FKBP11: variants seen among roughly 807,000 people sequenced by gnomAD.
FKBP11 encodes the protein peptidyl-prolyl cis-trans isomerase FKBP11.
FKBP11 carries 21 observed loss-of-function variants against 24.7 expected under a neutral mutation model. The ratio of observed to expected loss-of-function variants is 0.85; its 90% CI spans 0.60 to 1.23. The LOEUF (loss-of-function observed/expected upper bound fraction) is 1.23, where lower values mean the gene tolerates loss of function less well. Ranked by LOEUF, FKBP11 falls within the 50% of genes most tolerant of loss-of-function variation. The pLI is 0.00. For synonymous variants in FKBP11, 106 were observed against 100.6 expected (o/e 1.05, Z -0.32); for missense variants, 245 against 248.7 (o/e 0.99, Z 0.10).
chr12:48,938,668 T>TGA, the FKBP11 span: 158,443 of 421,298 alleles, frequency 0.38, 26,411 homozygotes, highest in East Asian at 0.47. Context: ...ACCCAGAGGG[T>TGA]GAGAGAGAGA....
At chr12:48,926,941 C>G (rs1045249070), upstream of FKBP11, among the ~76,000 whole-genome samples, 4 of 152,180 alleles carry the variant, frequency 2.6e-5, no homozygotes, top group Admixed American at 6.5e-5. Context: ...TCCCGAGTAG[C>G]TGGGATTATA....
At chr12:48,938,720 C>T in the FKBP11 span, 1 of 590,618 alleles carries the variant, frequency 1.7e-6, no homozygotes, top group Non-Finnish European at 3.0e-6. Context: ...TGTTTTAAAT[C>T]CAGTAAATTG....
At position 48,922,124 on chromosome 12, in the gene FKBP11, T is replaced by C. The variant is rs375029307; in HGVS notation, c.466A>G (p.Ile156Val). 9 of 1,614,064 alleles carry C rather than the reference T, an allele frequency of 5.6e-6. No homozygotes were observed. In the African/African-American group the frequency reaches 1.1e-4, roughly 19 times the overall value. ...ANYWLKLVKG[I>V]LPLVGMAMVP... ...ATGGCCATCCCTACCAGAGGCAAAA[T>C]GCCCTTCACCAGCTTTAGCCAGTAG... The change falls in exon 6 of 6, where the codon ATT (isoleucine) becomes GTT (valine). Residue 156 changes from isoleucine (I) to valine (V), a missense_variant. Physicochemically the swap from Ile to Val is conservative, Grantham distance 29. Transcript: ENST00000550765.
chr12:48,932,737 G>A, the FKBP11 span, among the ~76,000 whole-genome samples: 91 of 152,264 alleles, frequency 6.0e-4, no homozygotes, highest in African/African-American at 2.0e-3. Flanking sequence ...TCTGTGCTGG[G>A]AGGACCCTGA....
At chr12:48,938,397 T>C in the FKBP11 span, 1 of 454,324 alleles carries the variant, frequency 2.2e-6, no homozygotes, top group Admixed American at 2.3e-5. Flanking sequence ...GTGTCCTGGC[T>C]GCAAGCCCTG....
At chr12:48,935,806 A>C in the FKBP11 span, 1 of 152,236 alleles carries the variant, frequency 6.6e-6, no homozygotes, top group African/African-American at 2.4e-5. Flanking sequence ...GAAGCACCTC[A>C]TGTGCAAGGC....
the FKBP11 span, chr12:48,938,867 G>A: frequency 1.0e-5 from 16 of 1,541,966 alleles, no homozygotes; most frequent in East Asian, 3.0e-4. Context: ...CTTGCATGGA[G>A]AGGAAGGGGT....
chr12:48,929,264 A>G (rs1005729346), upstream of FKBP11, among the ~76,000 whole-genome samples: 1 of 152,106 alleles, frequency 6.6e-6, no homozygotes, highest in African/African-American at 2.4e-5. Flanking sequence ...CCTGGGCAAC[A>G]TGGCAAGACC....
chr12:48,925,010 C>CCA, intron 2 of FKBP11, 36 bp downstream of exon 2: 1 of 1,578,540 alleles, frequency 6.3e-7, no homozygotes, highest in Non-Finnish European at 8.6e-7. Flanking sequence ...GCGCCGCCCC[C>CCA]TCCCAGGCCC....
At chr12:48,926,639 A>G (rs1439538161), upstream of FKBP11, among the ~76,000 whole-genome samples, 1 of 142,462 alleles carries the variant, frequency 7.0e-6, no homozygotes, top group Non-Finnish European at 1.5e-5. Context: ...GACTACAGGC[A>G]TGCGCCACCA....
At chr12:48,931,413 G>A (rs897620247), upstream of FKBP11, 3 of 1,535,820 alleles carry the variant, frequency 2.0e-6, no homozygotes, top group Non-Finnish European at 2.6e-6. Flanking sequence ...CCACCCACAG[G>A]CAGCACAAGC....
the FKBP11 span, among the ~76,000 whole-genome samples, chr12:48,934,026 C>G: frequency 6.6e-6 from 1 of 152,170 alleles, no homozygotes; most frequent in South Asian, 2.1e-4. Flanking sequence ...AATGGATCCC[C>G]AGCCCCCTCC....
At chr12:48,934,645 C>T in the FKBP11 span, among the ~76,000 whole-genome samples, 450 of 152,300 alleles carry the variant, frequency 3.0e-3, no homozygotes, top group Middle Eastern at 0.01. Context: ...CAGTGGCCCA[C>T]CATTCAGCTA....
chr12:48,930,946 G>C (rs1412097406), upstream of FKBP11, among the ~76,000 whole-genome samples: 1 of 151,786 alleles, frequency 6.6e-6, no homozygotes, highest in Non-Finnish European at 1.5e-5. Context: ...TGGCTAACAC[G>C]GTGAAACCCC....
At chr12:48,934,381 A>G in the FKBP11 span, among the ~76,000 whole-genome samples, 1 of 152,192 alleles carries the variant, frequency 6.6e-6, no homozygotes, top group Non-Finnish European at 1.5e-5. Flanking sequence ...GTCTTCCGCC[A>G]GTCCATGACT....
intron 2 of FKBP11, 151 bp downstream of exon 2, chr12:48,924,895 C>A (rs2137557519): frequency 6.9e-7 from 1 of 1,440,976 alleles, no homozygotes; most frequent in East Asian, 2.5e-5. Flanking sequence ...CACGGAAGAG[C>A]AACGTCTCTC....
rs1356685254 is a variant in FKBP11, at chr12:48,924,566, A to G, written c.278T>C (p.Ile93Thr). The change falls in exon 3 of 6, where the codon ATT becomes ACT. Residue 93 changes from isoleucine to threonine, a missense_variant. Physicochemically the swap from Ile to Thr is moderately conservative, Grantham distance 89. Coordinates refer to ENST00000550765, the MANE Select transcript of FKBP11 (RefSeq NM_016594.3). ...GGGAGGCACAGGTCACATACCTGGA[A>G]TCACCTGCTTTTGGCCAAGTTCTAT... is the stretch of plus-strand genomic sequence containing the variant. ...LVIELGQKQVIPGLEQSLLDM... is the reference protein window; with the variant it reads ...LVIELGQKQVTPGLEQSLLDM... 1.2e-6 allele frequency: 2 copies of G among 1,613,824 alleles called. No homozygotes were observed. The highest frequency in any genetic ancestry group is 1.7e-6 in the Non-Finnish European group (2 of 1,179,750).
At chr12:48,928,813 T>A (rs1470915019), upstream of FKBP11, among the ~76,000 whole-genome samples, 1 of 136,680 alleles carries the variant, frequency 7.3e-6, no homozygotes, top group African/African-American at 2.6e-5. Flanking sequence ...GAAATAAACT[T>A]CTATCTTTTT....
At position 48,922,049 on chromosome 12, in the gene FKBP11, T is replaced by C; in HGVS notation, c.541A>G (p.Asn181Asp). ...TTCTTTTTGGAGACTTTGGGTCTAT[T>C]GGCCTTTCTGTATAGGTGATACCCA... is the stretch of plus-strand genomic sequence containing the variant. ...LIGYHLYRKANRPKVSKKKLK... is the reference protein window; with the variant it reads ...LIGYHLYRKADRPKVSKKKLK... Residue 181 changes from asparagine (N) to aspartate (D), a missense_variant, in exon 6 of 6, where the codon AAT (asparagine) becomes GAT (aspartate). Transcript: ENST00000550765. The C allele has an allele frequency of 6.2e-7, 1 of 1,614,112 alleles. No homozygotes were observed. Among genetic ancestry groups the C allele is most frequent in the Non-Finnish European group, 8.5e-7 (1 of 1,179,980 alleles).
Sources: gnomAD v4.1 joint callset for allele counts (sites outside exome capture counted in the v4.1 genomes callset) on GRCh38, gnomAD v4.1.1 for gene constraint, MANE v1.5 for transcripts, NCBI Gene and HGNC (gene_info 2026-07-23, HGNC 2026-07-21) for gene names.